The following GPC6 variants were observed in gnomAD, a reference collection of about 807,000 sequenced individuals.
GPC6 encodes the protein glypican-6.
In GPC6, 14 loss-of-function variants were observed where a neutral mutation model predicts 55.2. That is an observed-to-expected ratio of 0.25 (90% CI 0.17 to 0.40). The LOEUF (loss-of-function observed/expected upper bound fraction) is 0.40. Among genes scored for constraint, GPC6 ranks in the 10% least tolerant of loss-of-function variants. The probability of loss-of-function intolerance (pLI) is 1.00; values close to 1 mark genes in which losing one functional copy is unlikely to be tolerated. For missense variants in GPC6, 641 were observed against 708.5 expected, an observed-to-expected ratio of 0.90 and a Z score of 1.08; for synonymous variants, 278 against 259.6, an observed-to-expected ratio of 1.07 and a Z score of -0.68.
At chr13:94,281,339 C>G (rs1463539284) in intron 4 of GPC6, among the ~76,000 whole-genome samples, 1 of 152,054 alleles carries the variant, frequency 6.6e-6, no homozygotes, top group Admixed American at 6.6e-5. Context: ...CTAATGCTCT[C>G]CCTCCCCTTC....
chr13:94,202,554 A>G (rs529740917), intron 4 of GPC6, among the ~76,000 whole-genome samples: 2 of 152,288 alleles, frequency 1.3e-5, no homozygotes, highest in South Asian at 2.1e-4. Context: ...AACAGCCCCC[A>G]TGATTCAATT....
At chr13:93,556,916 T>C (rs1262275843) in intron 2 of GPC6, among the ~76,000 whole-genome samples, 1 of 152,200 alleles carries the variant, frequency 6.6e-6, no homozygotes, top group Non-Finnish European at 1.5e-5. Context: ...AGTACTCCAT[T>C]GTGTAACTAT....
chr13:93,365,797 T>G (rs1166434306), intron 1 of GPC6, among the ~76,000 whole-genome samples: 2 of 152,070 alleles, frequency 1.3e-5, no homozygotes, highest in Non-Finnish European at 2.9e-5. Context: ...CAAACTTTCT[T>G]CCTGCACTAA....
At chr13:93,317,055 G>A (rs994403830) in intron 1 of GPC6, among the ~76,000 whole-genome samples, 4 of 152,040 alleles carry the variant, frequency 2.6e-5, no homozygotes, top group Admixed American at 2.6e-4. Context: ...AAATGTTAGG[G>A]GAGGTTTAGT....
intron 2 of GPC6, among the ~76,000 whole-genome samples, chr13:93,785,125 G>A (rs567701251): frequency 9.2e-5 from 14 of 152,104 alleles, no homozygotes; most frequent in Non-Finnish European, 2.1e-4. Context: ...ACATTTCACT[G>A]GGAAGCCAGT....
chr13:94,386,787 T>C (rs1206803788), intron 7 of GPC6, among the ~76,000 whole-genome samples: 1 of 152,190 alleles, frequency 6.6e-6, no homozygotes. Flanking sequence ...TCAGACTCTT[T>C]CGGCCACATT....
chr13:93,532,516 TATAAC>T (rs1297138152), intron 1 of GPC6, among the ~76,000 whole-genome samples: 1 of 152,194 alleles, frequency 6.6e-6, no homozygotes, highest in Admixed American at 6.5e-5. Context: ...TTAATGATTT[TATAAC>T]ATACCAAGGC....
chr13:93,590,718 T>C (rs1350117853), intron 2 of GPC6, among the ~76,000 whole-genome samples: 2 of 152,200 alleles, frequency 1.3e-5, no homozygotes, highest in African/African-American at 4.8e-5. Context: ...TAGAAAGTCA[T>C]AAAAGTTACC....
intron 3 of GPC6, among the ~76,000 whole-genome samples, chr13:93,885,003 G>A (rs1192387443): frequency 6.6e-6 from 1 of 152,070 alleles, no homozygotes; most frequent in East Asian, 1.9e-4. Flanking sequence ...GGTGGGAAAG[G>A]GAAGTGGGTT....
At chr13:93,541,252 AC>A (rs1490564630) in intron 1 of GPC6, among the ~76,000 whole-genome samples, 14 of 138,710 alleles carry the variant, frequency 1.0e-4, no homozygotes, top group Middle Eastern at 3.6e-3. Context: ...TTCAATTCCC[AC>A]CTATGAGTGA....
At position 94,157,889 on chromosome 13, in the gene GPC6, A is replaced by C. The variant is rs147561461; in HGVS notation, c.878-128460A>C. Among the ~76,000 whole-genome samples, 367 of 152,262 alleles carry C rather than the reference A, an allele frequency of 2.4e-3. 2 individuals carry two copies. The highest frequency in any genetic ancestry group is 8.6e-3 in the African/African-American group (357 of 41,566). On this transcript the variant is annotated intron_variant, in intron 4 of 8. Transcript: ENST00000377047. The stretch of plus-strand genomic sequence containing the variant: ...AAGTTGCAGAATTGGGCCATGATTG[A>C]ATGTGCACACAGCAGGAAAGGGGGA...
chr13:93,921,214 C>G (rs985270775), intron 3 of GPC6, among the ~76,000 whole-genome samples: 4 of 152,160 alleles, frequency 2.6e-5, no homozygotes, highest in Non-Finnish European at 5.9e-5. Context: ...GATGAACATA[C>G]AGACAGACAG....
At chr13:93,796,513 G>A (rs1441019543) in intron 2 of GPC6, among the ~76,000 whole-genome samples, 3 of 151,570 alleles carry the variant, frequency 2.0e-5, no homozygotes, top group Non-Finnish European at 4.4e-5. Flanking sequence ...GAAGTTTTTT[G>A]AAAAAAATGA....
At chr13:93,876,577 C>T (rs1036679300) in intron 3 of GPC6, among the ~76,000 whole-genome samples, 1 of 152,020 alleles carries the variant, frequency 6.6e-6, no homozygotes, top group African/African-American at 2.4e-5. Flanking sequence ...TTTCTCTTAC[C>T]TATCTAAAAA....
Position 93,285,174 on chromosome 13 carries a change from C to T in GPC6, c.160+57558C>T, listed in dbSNP as rs541215228. On this transcript the variant is annotated intron_variant, in intron 1 of 8. Transcript: ENST00000377047. Reference sequence around the variant, plus strand: ...CTGTTATGCACGTTAGTCTTTATCCCTGCAATAATGCGTGCTGTTGTAAAG... The same window carrying T: ...CTGTTATGCACGTTAGTCTTTATCCTTGCAATAATGCGTGCTGTTGTAAAG... 5.3e-5 allele frequency among the ~76,000 whole-genome samples: 8 copies of T among 152,228 alleles called. No individual in the cohort carries two copies. In the South Asian group the frequency reaches 1.7e-3, roughly 32 times the overall value.
intron 3 of GPC6, among the ~76,000 whole-genome samples, chr13:93,901,617 T>A (rs1186526205): frequency 7.9e-5 from 12 of 152,096 alleles, no homozygotes; most frequent in Non-Finnish European, 1.3e-4. Context: ...AAAAAGATTT[T>A]AAAGGCTGGG....
intron 2 of GPC6, among the ~76,000 whole-genome samples, chr13:93,707,430 A>G (rs1313005327): frequency 1.3e-5 from 2 of 151,804 alleles, no homozygotes; most frequent in Non-Finnish European, 2.9e-5. Context: ...TTAGTAGCAT[A>G]TTCCATTTGG....
At chr13:93,533,653 T>G (rs1296146155) in intron 1 of GPC6, among the ~76,000 whole-genome samples, 11 of 152,178 alleles carry the variant, frequency 7.2e-5, no homozygotes. Flanking sequence ...TCTTTTTTGG[T>G]GTGAACTGGT....
chr13:94,022,030 G>T (rs527474660), intron 3 of GPC6, among the ~76,000 whole-genome samples: 10 of 151,968 alleles, frequency 6.6e-5, no homozygotes, highest in African/African-American at 1.2e-4. Flanking sequence ...ATAGCAAAAT[G>T]GTTACTGTAG....
Sources: allele counts gnomAD v4.1 joint callset (sites outside exome capture counted in the v4.1 genomes callset), GRCh38; gene constraint gnomAD v4.1.1; transcripts MANE v1.5; gene names NCBI Gene and HGNC (gene_info 2026-07-23, HGNC 2026-07-21).